The following ARB2A variants were observed in gnomAD, a reference collection of about 807,000 sequenced individuals.
ARB2A encodes cotranscriptional regulator ARB2A.
At chr5:93,837,916 C>A in the ARB2A span, among the ~76,000 whole-genome samples, 3 of 152,090 alleles carry the variant, frequency 2.0e-5, no homozygotes, top group Non-Finnish European at 4.4e-5. Context: ...AAACCTTTGT[C>A]AGATGCATAG....
the ARB2A span, among the ~76,000 whole-genome samples, chr5:93,758,175 C>T: frequency 3.3e-5 from 5 of 152,078 alleles, no homozygotes; most frequent in Non-Finnish European, 7.4e-5. Context: ...TGGTAAAAGG[C>T]CTTGTCCAAC....
chr5:93,814,490 T>G, the ARB2A span, among the ~76,000 whole-genome samples: 2 of 152,208 alleles, frequency 1.3e-5, no homozygotes, highest in African/African-American at 4.8e-5. Flanking sequence ...GCTATTATTT[T>G]CTAACAAAAA....
the ARB2A span, among the ~76,000 whole-genome samples, chr5:93,792,594 C>T: frequency 6.6e-6 from 1 of 150,436 alleles, no homozygotes; most frequent in Admixed American, 6.7e-5. Context: ...AAAAACCAAA[C>T]ACCAAAACCA....
chr5:93,770,120 C>T, the ARB2A span, among the ~76,000 whole-genome samples: 3 of 151,994 alleles, frequency 2.0e-5, no homozygotes, highest in Non-Finnish European at 1.5e-5. Flanking sequence ...CTCTTAAACC[C>T]GAAGGTATCA....
the ARB2A span, chr5:93,740,428 C>T: frequency 3.7e-6 from 3 of 804,552 alleles, no homozygotes; most frequent in Non-Finnish European, 5.7e-6. Flanking sequence ...CAATTCCCAC[C>T]CCCATTCCCT....
the ARB2A span, among the ~76,000 whole-genome samples, chr5:93,728,339 TATA>T: frequency 3.3e-5 from 5 of 152,048 alleles, no homozygotes; most frequent in Non-Finnish European, 5.9e-5. Context: ...CATTCTCTCA[TATA>T]ATGAGCTGTG....
At chr5:93,923,075 C>T in the ARB2A span, among the ~76,000 whole-genome samples, 2 of 151,818 alleles carry the variant, frequency 1.3e-5, no homozygotes, top group African/African-American at 4.8e-5. Context: ...AAGACCAAGC[C>T]CTCCTCTTTC....
At chr5:93,896,766 C>CA in the ARB2A span, among the ~76,000 whole-genome samples, 1 of 151,824 alleles carries the variant, frequency 6.6e-6, no homozygotes. Flanking sequence ...TTATGGTTCC[C>CA]AATACAAAAT....
the ARB2A span, among the ~76,000 whole-genome samples, chr5:94,102,369 C>CATAAT: frequency 3.3e-5 from 5 of 152,016 alleles, no homozygotes; most frequent in African/African-American, 1.2e-4. Flanking sequence ...AAAAGAATTT[C>CATAAT]ATAATACAAT....
At chr5:93,969,352 G>T in the ARB2A span, among the ~76,000 whole-genome samples, 1 of 151,902 alleles carries the variant, frequency 6.6e-6, no homozygotes, top group Non-Finnish European at 1.5e-5. Flanking sequence ...AGTGTCATTT[G>T]AAAGAAACAC....
chr5:93,641,560 G>A, the ARB2A span, among the ~76,000 whole-genome samples: 1 of 152,112 alleles, frequency 6.6e-6, no homozygotes, highest in African/African-American at 2.4e-5. Context: ...TCCATCAGTA[G>A]AAACACAGGA....
chr5:93,879,372 G>A, the ARB2A span, among the ~76,000 whole-genome samples: 20 of 152,010 alleles, frequency 1.3e-4, no homozygotes, highest in Non-Finnish European at 2.4e-4. Flanking sequence ...TAAGACCATC[G>A]ATACAAAGTT....
the ARB2A span, among the ~76,000 whole-genome samples, chr5:93,828,034 A>G: frequency 6.6e-6 from 1 of 152,164 alleles, no homozygotes; most frequent in Non-Finnish European, 1.5e-5. Flanking sequence ...TGATGCCTCC[A>G]GCTTTGTTCT....
chr5:93,635,483 A>G, the ARB2A span, among the ~76,000 whole-genome samples: 2 of 125,786 alleles, frequency 1.6e-5, no homozygotes, highest in Non-Finnish European at 3.1e-5. Flanking sequence ...TTTTTGTGAG[A>G]TGGAGTCTCG....
chr5:94,087,004 A>G, the ARB2A span, among the ~76,000 whole-genome samples: 1 of 152,182 alleles, frequency 6.6e-6, no homozygotes, highest in East Asian at 1.9e-4. Flanking sequence ...GCAGCTCCAT[A>G]TGCGTTGCTG....
At chr5:93,633,298 C>T in the ARB2A span, among the ~76,000 whole-genome samples, 1 of 152,202 alleles carries the variant, frequency 6.6e-6, no homozygotes, top group African/African-American at 2.4e-5. Flanking sequence ...ATTTTACTTT[C>T]AGTCTTCAGT....
At chr5:93,854,300 G>T in the ARB2A span, among the ~76,000 whole-genome samples, 1 of 152,056 alleles carries the variant, frequency 6.6e-6, no homozygotes, top group Non-Finnish European at 1.5e-5. Context: ...GATTGGTGGT[G>T]GCATCCCCTT....
At chr5:93,751,207 T>C in the ARB2A span, among the ~76,000 whole-genome samples, 3 of 152,134 alleles carry the variant, frequency 2.0e-5, no homozygotes, top group South Asian at 6.2e-4. Context: ...CACTTTAGAA[T>C]TTAAGAAATT....
At chr5:93,954,146 C>A in the ARB2A span, among the ~76,000 whole-genome samples, 1 of 152,126 alleles carries the variant, frequency 6.6e-6, no homozygotes, top group African/African-American at 2.4e-5. Flanking sequence ...ACCTAAGATG[C>A]AAGACAAAGT....
Sources: allele counts gnomAD v4.1 joint callset (sites outside exome capture counted in the v4.1 genomes callset), GRCh38; gene constraint gnomAD v4.1.1; transcripts MANE v1.5; gene names NCBI Gene and HGNC (gene_info 2026-07-23, HGNC 2026-07-21).